CUX2: variants seen among roughly 807,000 people sequenced by gnomAD.
CUX2 encodes the protein cut like homeobox 2, also known as homeobox protein cut-like 2.
CUX2 carries 40 observed loss-of-function variants against 144.8 expected under a neutral mutation model. The observed-to-expected ratio is 0.28, with a 90% CI of 0.21 to 0.36. CUX2 has a LOEUF of 0.36. CUX2 is among the 10% of genes least tolerant of loss of function. The pLI is 1.00. For synonymous variants in CUX2, 827 were observed against 875.6 expected (o/e 0.94, Z 0.98); for missense variants, 1,615 against 1,994.0 (o/e 0.81, Z 3.62).
rs149253035 is a variant in CUX2 at position 111,236,368 on chromosome 12, C to A, written c.222+18431C>A. Among the ~76,000 whole-genome samples, 451 of 152,330 alleles carry A rather than the reference C, an allele frequency of 3.0e-3. 2 individuals carry two copies. Among genetic ancestry groups the A allele is most frequent in the South Asian group, 7.5e-3 (36 of 4,828 alleles). ...CTCTCTGCTAAGCTTGCTACACATA[C>A]TGACTTTAGAAATCATTGTCACAAG... On this transcript the variant is annotated intron_variant, in intron 3 of 21. Transcript: ENST00000261726.
intron 1 of CUX2, among the ~76,000 whole-genome samples, chr12:111,156,390 TTC>T (rs1214154280): frequency 2.0e-5 from 3 of 152,336 alleles, no homozygotes; most frequent in South Asian, 4.1e-4. Flanking sequence ...TCGGAATATT[TTC>T]TCTGTCTCCC....
intron 1 of CUX2, among the ~76,000 whole-genome samples, chr12:111,044,572 C>A (rs1044765536): frequency 1.3e-5 from 2 of 152,242 alleles, no homozygotes; most frequent in Admixed American, 1.3e-4. Flanking sequence ...TCCTCCTTGA[C>A]TTCTCTTTCC....
At chr12:111,265,406 A>C (rs1352624634) in intron 4 of CUX2, among the ~76,000 whole-genome samples, 2 of 151,258 alleles carry the variant, frequency 1.3e-5, no homozygotes, top group Admixed American at 1.3e-4. Context: ...CAGTAGCGCG[A>C]TCTCAGCTCA....
At chr12:111,262,463 C>T (rs1453581565) in intron 3 of CUX2, among the ~76,000 whole-genome samples, 3 of 150,712 alleles carry the variant, frequency 2.0e-5, no homozygotes, top group Non-Finnish European at 4.4e-5. Context: ...ATGGCAGCCT[C>T]GAAATCCTGG....
intron 1 of CUX2, among the ~76,000 whole-genome samples, chr12:111,130,291 A>G (rs1421800134): frequency 6.6e-6 from 1 of 152,140 alleles, no homozygotes; most frequent in African/African-American, 2.4e-5. Flanking sequence ...TAAACTTTTG[A>G]TCCCTTGATC....
intron 1 of CUX2, among the ~76,000 whole-genome samples, chr12:111,193,894 G>A (rs1880058116): frequency 6.6e-6 from 1 of 152,208 alleles, no homozygotes; most frequent in South Asian, 2.1e-4. Context: ...GATGGAGACA[G>A]TCTGTCCCAG....
chr12:111,135,662 C>T (rs1875831640), intron 1 of CUX2, among the ~76,000 whole-genome samples: 1 of 152,172 alleles, frequency 6.6e-6, no homozygotes, highest in South Asian at 2.1e-4. Flanking sequence ...AAAAAGAATG[C>T]ATCTCTGACA....
At chr12:111,325,440 G>A (rs1887729267) in intron 18 of CUX2, among the ~76,000 whole-genome samples, 1 of 152,180 alleles carries the variant, frequency 6.6e-6, no homozygotes, top group Admixed American at 6.5e-5. Context: ...TTTCACAGAT[G>A]AGGAAATCCA....
chr12:111,089,736 A>C lies in CUX2; in HGVS notation c.63+55496A>C, dbSNP rs1872450478. On this transcript the variant is annotated intron_variant, in intron 1 of 21. Coordinates refer to ENST00000261726, the MANE Select transcript of CUX2 (RefSeq NM_015267.4). ...TCCAGAGAGAGGGAACAGCAAGTAC[A>C]AAGGCTCAGAGGTCAGAGAGTGCAG... Among the ~76,000 whole-genome samples, 4 of 152,256 alleles carry C rather than the reference A, an allele frequency of 2.6e-5. No homozygotes were observed. The South Asian group carries it at 8.3e-4, about 32-fold the overall frequency.
At chr12:111,187,268 T>C (rs1879601483) in intron 1 of CUX2, among the ~76,000 whole-genome samples, 1 of 152,152 alleles carries the variant, frequency 6.6e-6, no homozygotes, top group Non-Finnish European at 1.5e-5. Flanking sequence ...TCAGGACCCA[T>C]CCTTCCCTTG....
intron 5 of CUX2, among the ~76,000 whole-genome samples, chr12:111,292,246 C>T (rs937055567): frequency 6.6e-6 from 1 of 152,168 alleles, no homozygotes; most frequent in African/African-American, 2.4e-5. Flanking sequence ...TATTACTCGG[C>T]CATGAAAAGG....
At chr12:111,231,976 C>T (rs1239626900) in intron 3 of CUX2, among the ~76,000 whole-genome samples, 1 of 152,028 alleles carries the variant, frequency 6.6e-6, no homozygotes, top group African/African-American at 2.4e-5. Context: ...TGTGGTGGTG[C>T]GCCCCTGTAG....
intron 3 of CUX2, among the ~76,000 whole-genome samples, chr12:111,236,786 A>C (rs1029828237): frequency 6.6e-6 from 1 of 152,258 alleles, no homozygotes; most frequent in Non-Finnish European, 1.5e-5. Flanking sequence ...TTGAGTTATC[A>C]ATCTGCGTTT....
rs2136267386 is a variant in CUX2, at chr12:111,245,762, C to T, written c.223-17999C>T. ...GACAGAGGAAAAGGAGCTGGGTATG[C>T]CCCACCCAAGTGCCTCCTGTTTGTG... On this transcript the variant is annotated intron_variant, in intron 3 of 21. Transcript: ENST00000261726. 2.0e-5 allele frequency among the ~76,000 whole-genome samples: 3 copies of T among 152,192 alleles called. 1 individual carries two copies. In the South Asian group the frequency reaches 6.2e-4, roughly 32 times the overall value.
chr12:111,153,747 A>G (rs898866689), intron 1 of CUX2, among the ~76,000 whole-genome samples: 2 of 152,126 alleles, frequency 1.3e-5, no homozygotes, highest in African/African-American at 4.8e-5. Context: ...ATCACTTACT[A>G]CTGATGGCCT....
rs372694667 is a variant in CUX2, at chr12:111,291,473, C to G, written c.357C>G (p.Pro119=). 3.7e-6 allele frequency: 6 copies of G among 1,612,890 alleles called. No individual in the cohort carries two copies. The highest frequency in any genetic ancestry group is 2.7e-5 in the African/African-American group (2 of 75,048). Residue 119 remains proline, a synonymous_variant, in exon 5 of 22, where the codon CCC becomes CCG. Coordinates refer to ENST00000261726, the MANE Select transcript of CUX2 (RefSeq NM_015267.4). ...ARSLDDRLQP[P]SFDPSGQPRR... ...GCCTAGACGACAGACTGCAGCCCCC[C>G]AGCTTTGACCCCAGTGGGCAGCCCC...
chr12:111,086,363 C>T (rs207473364), intron 1 of CUX2, among the ~76,000 whole-genome samples: 1 of 152,210 alleles, frequency 6.6e-6, no homozygotes, highest in Non-Finnish European at 1.5e-5. Flanking sequence ...ACATTTTCAT[C>T]AAAAGAATCA....
At chr12:111,311,959 A>T in intron 15 of CUX2, 141 bp from the exon 16 acceptor site, 1 of 601,490 alleles carries the variant, frequency 1.7e-6, no homozygotes, top group East Asian at 2.9e-5. Context: ...TGTTACATAG[A>T]CTAAGCAGTG....
intron 1 of CUX2, among the ~76,000 whole-genome samples, chr12:111,164,765 A>T (rs1878022920): frequency 2.6e-5 from 4 of 152,070 alleles, no homozygotes; most frequent in Admixed American, 2.6e-4. Context: ...CAATTTGGGG[A>T]TGTGAATGTT....
Sources: allele counts gnomAD v4.1 joint callset (sites outside exome capture counted in the v4.1 genomes callset), GRCh38; gene constraint gnomAD v4.1.1; transcripts MANE v1.5; gene names NCBI Gene and HGNC (gene_info 2026-07-23, HGNC 2026-07-21).